PTPRD: variants seen among roughly 807,000 people sequenced by gnomAD.
The protein encoded by PTPRD is protein tyrosine phosphatase receptor type D.
Under a neutral mutation model 214.5 loss-of-function variants are expected in PTPRD, and 34 were observed. The observed-to-expected ratio is 0.16, with a 90% CI of 0.12 to 0.21. PTPRD has a LOEUF of 0.21. PTPRD is among the 10% of genes least tolerant of loss of function. The pLI, the probability that PTPRD is intolerant of heterozygous loss-of-function variation, is 1.00. For synonymous variants in PTPRD, 1,128 were observed against 845.7 expected (o/e 1.33, Z -5.79); for missense variants, 2,545 against 2,398.7 (o/e 1.06, Z -1.27).
chr9:8,397,714 A>G (rs930194352), intron 36 of PTPRD, among the ~76,000 whole-genome samples: 11 of 152,284 alleles, frequency 7.2e-5, no homozygotes, highest in Admixed American at 6.5e-4. Flanking sequence ...ACATTACAGA[A>G]GGAATAGCAG....
At chr9:9,781,952 C>G (rs1251526870) in intron 5 of PTPRD, among the ~76,000 whole-genome samples, 1 of 152,062 alleles carries the variant, frequency 6.6e-6, no homozygotes, top group Non-Finnish European at 1.5e-5. Context: ...ACTACCACGC[C>G]CGGCTAATTT....
intron 6 of PTPRD, among the ~76,000 whole-genome samples, chr9:9,743,876 T>C (rs1163200365): frequency 1.3e-5 from 2 of 152,158 alleles, no homozygotes; most frequent in African/African-American, 2.4e-5. Context: ...GAAGAAAATA[T>C]GCAGGCTAAT....
At chr9:9,803,479 A>AT (rs1240123200) in intron 5 of PTPRD, among the ~76,000 whole-genome samples, 4 of 151,930 alleles carry the variant, frequency 2.6e-5, no homozygotes, top group African/African-American at 9.7e-5. Flanking sequence ...GTTTTTCTGC[A>AT]TTTTCTCATT....
At chr9:9,710,963 A>C (rs1448197130) in intron 7 of PTPRD, among the ~76,000 whole-genome samples, 1 of 151,710 alleles carries the variant, frequency 6.6e-6, no homozygotes, top group African/African-American at 2.4e-5. Context: ...AGAGCGAGCG[A>C]GCGAGAGAGA....
At chr9:8,645,504 T>C (rs2096667817) in intron 12 of PTPRD, among the ~76,000 whole-genome samples, 1 of 152,226 alleles carries the variant, frequency 6.6e-6, no homozygotes, top group Admixed American at 6.5e-5. Flanking sequence ...TAATTTTATT[T>C]AGGCCTCAAC....
At chr9:8,927,376 A>G (rs66858218) in intron 11 of PTPRD, among the ~76,000 whole-genome samples, 41,412 of 151,876 alleles carry the variant, frequency 0.27, 6,303 homozygotes, top group Middle Eastern at 0.35. Flanking sequence ...CCAACATGAC[A>G]GGCCCTGGTG....
intron 9 of PTPRD, among the ~76,000 whole-genome samples, chr9:9,288,652 G>C (rs991599784): frequency 6.6e-6 from 1 of 151,854 alleles, no homozygotes; most frequent in Non-Finnish European, 1.5e-5. Flanking sequence ...TTATATGCTT[G>C]AATTTCATAG....
chr9:9,381,095 C>T (rs1244865112), intron 9 of PTPRD, among the ~76,000 whole-genome samples: 1 of 152,008 alleles, frequency 6.6e-6, no homozygotes, highest in African/African-American at 2.4e-5. Context: ...TGTGGCTTCC[C>T]TATAGACAAC....
chr9:8,935,669 A>C (rs2098991959), intron 11 of PTPRD, among the ~76,000 whole-genome samples: 2 of 152,204 alleles, frequency 1.3e-5, no homozygotes, highest in East Asian at 3.8e-4. Flanking sequence ...AGTTTGCTTC[A>C]CTGGGGAAGG....
At chr9:10,459,128 C>G (rs1735145780) in intron 2 of PTPRD, among the ~76,000 whole-genome samples, 1 of 152,102 alleles carries the variant, frequency 6.6e-6, no homozygotes, top group Non-Finnish European at 1.5e-5. Context: ...AGCTCCCACT[C>G]ATGAGTAAGA....
intron 11 of PTPRD, among the ~76,000 whole-genome samples, chr9:8,826,498 A>C (rs917849804): frequency 2.6e-4 from 40 of 151,954 alleles, no homozygotes; most frequent in African/African-American, 8.2e-4. Flanking sequence ...CCTTCCGTTC[A>C]CCACACAGTT....
chr9:10,590,085 A>G (rs2075044851), intron 2 of PTPRD, among the ~76,000 whole-genome samples: 1 of 152,070 alleles, frequency 6.6e-6, no homozygotes, highest in South Asian at 2.1e-4. Context: ...GAAAACAGCA[A>G]CAATCTACAA....
intron 11 of PTPRD, among the ~76,000 whole-genome samples, chr9:8,839,469 C>T (rs1366420673): frequency 1.3e-5 from 2 of 152,114 alleles, no homozygotes; most frequent in South Asian, 2.1e-4. Flanking sequence ...GGACTACAGG[C>T]GGGCACCACC....
chr9:10,270,445 A>G (rs1370345205), intron 3 of PTPRD, among the ~76,000 whole-genome samples: 1 of 152,184 alleles, frequency 6.6e-6, no homozygotes, highest in African/African-American at 2.4e-5. Context: ...GACTTGTTGT[A>G]TATATTTTTG....
At chr9:8,620,437 G>C (rs1335994972) in intron 14 of PTPRD, among the ~76,000 whole-genome samples, 2 of 152,004 alleles carry the variant, frequency 1.3e-5, no homozygotes, top group South Asian at 2.1e-4. Context: ...AGACTTTAGA[G>C]CTAGTTTACA....
chr9:9,408,666 C>A (rs1424767614), intron 8 of PTPRD, among the ~76,000 whole-genome samples: 1 of 151,834 alleles, frequency 6.6e-6, no homozygotes, highest in African/African-American at 2.4e-5. Context: ...GAATAGGGAT[C>A]TGGGTTATCA....
intron 3 of PTPRD, among the ~76,000 whole-genome samples, chr9:10,108,171 C>G (rs2098653754): frequency 1.3e-5 from 2 of 151,952 alleles, no homozygotes; most frequent in Admixed American, 6.6e-5. Flanking sequence ...GTTTTCTTTT[C>G]TTTTGTCTTT....
intron 7 of PTPRD, among the ~76,000 whole-genome samples, chr9:9,666,771 T>C (rs910181210): frequency 1.3e-5 from 2 of 151,968 alleles, no homozygotes; most frequent in Non-Finnish European, 2.9e-5. Flanking sequence ...AAAACTGAAA[T>C]CTAAAACCAA....
chr9:8,808,591 A>G (rs1352284433), intron 11 of PTPRD, among the ~76,000 whole-genome samples: 1 of 150,358 alleles, frequency 6.7e-6, no homozygotes, highest in Non-Finnish European at 1.5e-5. Context: ...GGCCCACTGT[A>G]TTTATGCAAA....
Sources: allele counts gnomAD v4.1 joint callset (sites outside exome capture counted in the v4.1 genomes callset), GRCh38; gene constraint gnomAD v4.1.1; transcripts MANE v1.5; gene names NCBI Gene and HGNC (gene_info 2026-07-23, HGNC 2026-07-21).